The following FOXP1 variants were observed in gnomAD, a reference collection of about 807,000 sequenced individuals.
FOXP1 encodes forkhead box P1, also known as forkhead box protein P1.
A neutral mutation model predicts 98.2 loss-of-function variants in FOXP1; 15 were observed. That is an observed-to-expected ratio of 0.15 (90% CI 0.10 to 0.24). FOXP1 has a LOEUF of 0.24. Ranked by LOEUF, FOXP1 falls within the 10% of genes least tolerant of loss-of-function variation. FOXP1 has a pLI of 1.00. For missense variants in FOXP1, 633 were observed against 848.5 expected (o/e 0.75, Z 3.15); for synonymous variants, 371 against 314.5 (o/e 1.18, Z -1.90).
At chr3:71,373,642 T>A (rs980842514) in intron 3 of FOXP1, among the ~76,000 whole-genome samples, 1 of 152,246 alleles carries the variant, frequency 6.6e-6, no homozygotes, top group African/African-American at 2.4e-5. Context: ...TTAATTTACT[T>A]CTTGTGTGGC....
intron 11 of FOXP1, among the ~76,000 whole-genome samples, chr3:71,018,701 G>C (rs2044904646): frequency 6.6e-6 from 1 of 152,162 alleles, no homozygotes; most frequent in Non-Finnish European, 1.5e-5. Context: ...TGCCTCGATA[G>C]CATCTTTTTG....
chr3:71,470,280 T>C (rs946434641), intron 3 of FOXP1, among the ~76,000 whole-genome samples: 3 of 152,196 alleles, frequency 2.0e-5, no homozygotes, highest in East Asian at 1.9e-4. Context: ...TAACAGTATC[T>C]ACCACATAGA....
intron 5 of FOXP1, chr3:71,244,789 T>G (rs1413121599): frequency 6.6e-6 from 1 of 151,872 alleles, no homozygotes; most frequent in African/African-American, 2.4e-5. Context: ...TTCTTTACAA[T>G]GTCTATATCA....
Position 71,221,835 on chromosome 3 carries a change from G to C in FOXP1, c.-11-23443C>G, listed in dbSNP as rs1057448616. On this transcript the variant is annotated intron_variant, in intron 5 of 20. Transcript: ENST00000649528. The stretch of plus-strand genomic sequence containing the variant: ...CTCAATGCTTATGGCTAGGACAGTA[G>C]TTCCTCAACTCTGAAGCCAATCAGA... Among the ~76,000 whole-genome samples, 7 of 152,172 alleles carry C rather than the reference G, an allele frequency of 4.6e-5. No individual in the cohort carries two copies. In the East Asian group the frequency reaches 1.3e-3, roughly 29 times the overall value.
intron 6 of FOXP1, among the ~76,000 whole-genome samples, chr3:71,155,884 C>A (rs938913195): frequency 1.3e-5 from 2 of 152,170 alleles, no homozygotes; most frequent in South Asian, 2.1e-4. Flanking sequence ...AAGACAGCCC[C>A]GCAGTGCAGG....
intron 6 of FOXP1, among the ~76,000 whole-genome samples, chr3:71,155,761 T>C (rs2108096180): frequency 6.6e-6 from 1 of 152,366 alleles, no homozygotes; most frequent in East Asian, 1.9e-4. Context: ...CGCTCACTTC[T>C]AGTGCAGAAC....
chr3:71,566,189 G>A (rs1012269766), intron 2 of FOXP1, among the ~76,000 whole-genome samples: 7 of 152,196 alleles, frequency 4.6e-5, no homozygotes, highest in African/African-American at 1.4e-4. Flanking sequence ...TTATGATCAC[G>A]GTAGGGAGTG....
intron 5 of FOXP1, among the ~76,000 whole-genome samples, chr3:71,263,202 A>G (rs2069323803): frequency 6.6e-6 from 1 of 152,138 alleles, no homozygotes; most frequent in South Asian, 2.1e-4. Flanking sequence ...TATGCAGCAC[A>G]AAGGGGACAC....
intron 4 of FOXP1, among the ~76,000 whole-genome samples, chr3:71,325,574 G>C (rs939797087): frequency 6.6e-6 from 1 of 152,084 alleles, no homozygotes; most frequent in Non-Finnish European, 1.5e-5. Context: ...GTCTAAGCAA[G>C]TTTGACCAAC....
In FOXP1 at chr3:71,410,438, T is replaced by C. The variant is rs146401464; in HGVS notation, c.-167-51194A>G. ...CCAACTTTTTTCTATTCCAAGAAAT[T>C]ATGGTATGCTTCCAGTTGTGGCTTA... On this transcript the variant is annotated intron_variant, in intron 3 of 20. Coordinates refer to ENST00000649528, the MANE Select transcript of FOXP1 (RefSeq NM_001349338.3). Among the ~76,000 whole-genome samples the C allele has an allele frequency of 5.4e-3, 825 of 152,342 alleles. 9 individuals carry two copies. Among genetic ancestry groups the C allele is most frequent in the African/African-American group, 0.019 (804 of 41,570 alleles).
chr3:71,349,294 A>G (rs1384741831), intron 4 of FOXP1, among the ~76,000 whole-genome samples: 2 of 152,222 alleles, frequency 1.3e-5, no homozygotes, highest in Non-Finnish European at 2.9e-5. Flanking sequence ...TCCTTTTTAA[A>G]TTTTCCTTAT....
At position 71,581,991 on chromosome 3, in the gene FOXP1, A is replaced by G; in HGVS notation, c.-446-294T>C. ...GGAGGAATAGGGAGAAGGGGGTGGG[A>G]TGGGGATACGATCACGGGCGCAAGG... On this transcript the variant is annotated intron_variant, in intron 1 of 20. Transcript: ENST00000649528. The G allele has an allele frequency of 3.3e-6, 3 of 919,340 alleles. No homozygotes were observed. The South Asian group carries it at 1.5e-4, about 47-fold the overall frequency. The allele number at this position is 919,340 out of a possible 1,614,324, so 56.9% of individuals were successfully genotyped here.
At chr3:71,219,178 C>T (rs986025902) in intron 5 of FOXP1, among the ~76,000 whole-genome samples, 6 of 152,108 alleles carry the variant, frequency 3.9e-5, no homozygotes, top group African/African-American at 1.4e-4. Context: ...GGGAGCATGC[C>T]CTCATCACAT....
chr3:71,358,989 G>C (rs1466280850), intron 4 of FOXP1, among the ~76,000 whole-genome samples, 161 bp downstream of exon 4: 1 of 152,174 alleles, frequency 6.6e-6, no homozygotes, highest in Non-Finnish European at 1.5e-5. Flanking sequence ...GCTATCATGG[G>C]GGGTAGCAGC....
chr3:71,493,059 A>G lies in FOXP1; in HGVS notation c.-168+367T>C, dbSNP rs534167354. 2.6e-5 allele frequency among the ~76,000 whole-genome samples: 4 copies of G among 152,232 alleles called. No homozygotes were observed. The South Asian group carries it at 8.3e-4, about 32-fold the overall frequency. ...AACAAATTAGACTCAAATTTCCCCT[A>G]AAACTCAAGATGAAAAAATTGTTGT... On this transcript the variant is annotated intron_variant, in intron 3 of 20. Transcript: ENST00000649528.
chr3:71,497,681 C>CT (rs2091511172), intron 2 of FOXP1, among the ~76,000 whole-genome samples: 2 of 152,190 alleles, frequency 1.3e-5, no homozygotes, highest in African/African-American at 4.8e-5. Context: ...CTGAAGAACA[C>CT]TGCATTGCTC....
chr3:71,530,194 G>C (rs937745655), intron 2 of FOXP1, among the ~76,000 whole-genome samples: 8 of 152,104 alleles, frequency 5.3e-5, no homozygotes, highest in Admixed American at 1.3e-4. Flanking sequence ...TTGAGAGATG[G>C]GACCTTTTAA....
chr3:71,214,374 T>A (rs1414923338), intron 5 of FOXP1, among the ~76,000 whole-genome samples: 1 of 151,928 alleles, frequency 6.6e-6, no homozygotes, highest in East Asian at 1.9e-4. Flanking sequence ...GTAGAACAGG[T>A]ACCAACAGTG....
chr3:71,271,369 C>A (rs552557102), intron 5 of FOXP1, among the ~76,000 whole-genome samples: 6 of 152,240 alleles, frequency 3.9e-5, no homozygotes, highest in East Asian at 3.9e-4. Flanking sequence ...AAAGTGTTAA[C>A]GATAATTTTA....
Sources: allele counts gnomAD v4.1 joint callset (sites outside exome capture counted in the v4.1 genomes callset), GRCh38; gene constraint gnomAD v4.1.1; transcripts MANE v1.5; gene names NCBI Gene and HGNC (gene_info 2026-07-23, HGNC 2026-07-21).